The following NR2E3 variants were observed in gnomAD, a reference collection of about 807,000 sequenced individuals.
The protein encoded by NR2E3 is nuclear receptor subfamily 2 group E member 3.
Under a neutral mutation model 37.6 loss-of-function variants are expected in NR2E3, and 38 were observed. The observed-to-expected ratio is 1.01, with a 90% confidence interval of 0.78 to 1.33. The LOEUF (loss-of-function observed/expected upper bound fraction) is 1.33. NR2E3 is among the 40% of genes most tolerant of loss of function. The probability of loss-of-function intolerance (pLI) is 0.00; values close to 1 mark genes in which losing one functional copy is unlikely to be tolerated. For synonymous variants in NR2E3, 235 were observed against 225.1 expected, an observed-to-expected ratio of 1.04 and a Z score of -0.39; for missense variants, 562 against 558.7, an observed-to-expected ratio of 1.01 and a Z score of -0.06.
chr15:71,816,512 G>A (rs1291541872), intron 7 of NR2E3, among the ~76,000 whole-genome samples: 2 of 151,972 alleles, frequency 1.3e-5, no homozygotes, highest in Non-Finnish European at 2.9e-5. Flanking sequence ...CGCCCGCCTC[G>A]GCCTCCCAAA....
Position 71,817,089 on chromosome 15 carries a change from CTTTTCTT to C in NR2E3, c.1101-451_1101-445del, listed in dbSNP as rs1387313225. Reference sequence around the variant, plus strand: ...GAGGCAACTCCTCTGGTTAATGCGGCTTTTCTTTTTTCTTTTTTTTTTTTTTTGAGAC... The same window carrying C: ...GAGGCAACTCCTCTGGTTAATGCGGCTTTTCTTTTTTTTTTTTTTTGAGAC... On this transcript the variant is annotated intron_variant, in intron 7 of 7. Transcript: ENST00000617575. Among the ~76,000 whole-genome samples, 7 of 146,378 alleles carry C rather than the reference CTTTTCTT, an allele frequency of 4.8e-5. No individual in the cohort carries two copies. The East Asian group carries it at 8.4e-4, about 18-fold the overall frequency.
At chr15:71,815,293 C>A (rs1475537067) in intron 7 of NR2E3, among the ~76,000 whole-genome samples, 4 of 152,220 alleles carry the variant, frequency 2.6e-5, no homozygotes, top group Non-Finnish European at 4.4e-5. Context: ...GGCATCCTTG[C>A]ATCACCTCTA....
intron 7 of NR2E3, among the ~76,000 whole-genome samples, chr15:71,816,428 T>C (rs917536655): frequency 6.6e-6 from 1 of 151,810 alleles, no homozygotes; most frequent in Non-Finnish European, 1.5e-5. Flanking sequence ...GCCCGGCTAA[T>C]TTTTTGTATT....
At chr15:71,815,163 A>G (rs2054217378) in intron 7 of NR2E3, among the ~76,000 whole-genome samples, 2 of 152,164 alleles carry the variant, frequency 1.3e-5, no homozygotes, top group Non-Finnish European at 2.9e-5. Context: ...GGCAGATGTC[A>G]TGGAGCCTCA....
chr15:71,813,963 A>T lies in NR2E3; in HGVS notation c.995-49A>T. Reference sequence around the variant, plus strand: ...GGGCCACCACTTCATGGCCAGCCTTATAACAGCCGTAAACCTGTGCTAAGC... The same window carrying T: ...GGGCCACCACTTCATGGCCAGCCTTTTAACAGCCGTAAACCTGTGCTAAGC... On this transcript the variant is annotated intron_variant, in intron 6 of 7. Coordinates refer to ENST00000617575, the MANE Select transcript of NR2E3 (RefSeq NM_014249.4). The surrounding 1 kb of genome is among the most constrained non-coding windows in gnomAD (Gnocchi z 4.7). 6.3e-7 allele frequency: 1 copy of T among 1,578,604 alleles called. No individual in the cohort carries two copies. The highest frequency in any genetic ancestry group is 8.6e-7 in the Non-Finnish European group (1 of 1,163,832).
chr15:71,816,412 C>G (rs2054226495), intron 7 of NR2E3, among the ~76,000 whole-genome samples: 1 of 151,992 alleles, frequency 6.6e-6, no homozygotes, highest in African/African-American at 2.4e-5. Flanking sequence ...AGGCGCCCAC[C>G]ACCACGCCCG....
chr15:71,813,745 TG>T lies in NR2E3; in HGVS notation c.994+116del. The T allele has an allele frequency of 2.6e-6, 4 of 1,548,116 alleles. No individual in the cohort carries two copies. The highest frequency in any genetic ancestry group is 3.5e-6 in the Non-Finnish European group (4 of 1,136,340). ...TGCAGATGTGTGTAGGCCTCTATCCTGGGGGGTGGGAGGAGAGTGGTGAGGC... is the reference window on the plus strand; with the variant it reads ...TGCAGATGTGTGTAGGCCTCTATCCTGGGGGTGGGAGGAGAGTGGTGAGGC... On this transcript the variant is annotated intron_variant, in intron 6 of 7. Coordinates refer to ENST00000617575, the MANE Select transcript of NR2E3 (RefSeq NM_014249.4). This position sits in a 1 kb window ranked among gnomAD's most constrained non-coding sequence, Gnocchi z 4.7.
intron 7 of NR2E3, among the ~76,000 whole-genome samples, chr15:71,817,283 A>T (rs918563635): frequency 1.3e-5 from 2 of 152,042 alleles, no homozygotes; most frequent in Admixed American, 6.5e-5. Context: ...TATATTTAGT[A>T]GAGACGGGGT....
rs777517743 is a variant in NR2E3 at position 71,810,812 on chromosome 15, C to T, written c.69C>T (p.Ala23=). The change falls in exon 1 of 8, where the codon GCC becomes GCT. Residue 23 remains alanine (A), a synonymous_variant. Coordinates refer to ENST00000617575, the MANE Select transcript of NR2E3 (RefSeq NM_014249.4). ...CAGCTGCGCCTGCAGCTGGGGCTGCCTCCAGGAAGGAGTCTCCAGGCAGAT... is the reference window on the plus strand; with the variant it reads ...CAGCTGCGCCTGCAGCTGGGGCTGCTTCCAGGAAGGAGTCTCCAGGCAGAT... ...VAAAAPAAGA[A]SRKESPGRWG... is the part of the protein sequence containing the mutation. The T allele has an allele frequency of 2.5e-5, 40 of 1,573,514 alleles. No homozygotes were observed. The highest frequency in any genetic ancestry group is 3.3e-5 in the Non-Finnish European group (38 of 1,159,980).
rs2140287615 is a variant in NR2E3, at chr15:71,810,637, G to A, written c.-107G>A. The stretch of plus-strand genomic sequence containing the variant: ...CCTGAGTTCAGACAGAGTTCAGGAA[G>A]GGAGACAGGGGCACAGAGAGACAGA... On this transcript the variant is annotated 5_prime_UTR_variant, in exon 1 of 8. Transcript: ENST00000617575. The A allele has an allele frequency of 1.3e-6, 2 of 1,499,098 alleles. No individual in the cohort carries two copies. The highest frequency in any genetic ancestry group is 1.4e-5 in the African/African-American group (1 of 71,808). 92.9% of individuals were successfully genotyped at this position (1,499,098 alleles called of 1,614,324 possible).
chr15:71,817,442 A>T, intron 7 of NR2E3, 110 bp from the exon 8 acceptor site: 3 of 1,346,222 alleles, frequency 2.2e-6, no homozygotes, highest in Non-Finnish European at 3.0e-6. Context: ...CACTCTGGGG[A>T]CCTCATCTCT....
chr15:71,814,343 C>G (rs1595957683), intron 7 of NR2E3: 3 of 1,326,824 alleles, frequency 2.3e-6, no homozygotes, highest in Non-Finnish European at 2.9e-6. Flanking sequence ...CGGCAGTGAC[C>G]TCACTGAAGA....
At position 71,813,432 on chromosome 15, in the gene NR2E3, G is replaced by A. The variant is rs201106600; in HGVS notation, c.791G>A (p.Gly264Glu). ...GCGTGGAGTGAACTCTTTCTCCTCG[G>A]GGCCATCCAGTGGTCTCTGCCTCTG... The part of the protein sequence containing the change: ...EEAWSELFLL[G>E]AIQWSLPLDS... The change falls in exon 6 of 8, where the codon GGG (glycine) becomes GAG (glutamate). Residue 264 changes from glycine to glutamate, a missense_variant. Physicochemically the swap from Gly to Glu is moderately conservative, Grantham distance 98 (BLOSUM62 -2). Transcript: ENST00000617575. The surrounding 1 kb of genome is among the most constrained non-coding windows in gnomAD (Gnocchi z 4.7). The A allele has an allele frequency of 8.8e-5, 141 of 1,610,578 alleles. No individual in the cohort carries two copies. Among genetic ancestry groups the A allele is most frequent in the Non-Finnish European group, 1.1e-4 (127 of 1,178,536 alleles).
At chr15:71,816,526 C>T (rs1401814574) in intron 7 of NR2E3, among the ~76,000 whole-genome samples, 1 of 152,118 alleles carries the variant, frequency 6.6e-6, no homozygotes, top group Non-Finnish European at 1.5e-5. Context: ...TCCCAAAGTG[C>T]TGGGATTACA....
In NR2E3 at chr15:71,813,647, T is replaced by A. The variant is rs774016394; in HGVS notation, c.994+12T>A. On this transcript the variant is annotated intron_variant, in intron 6 of 7. Transcript: ENST00000617575. The surrounding 1 kb of genome is among the most constrained non-coding windows in gnomAD (Gnocchi z 4.7). ...CCTCTTCAAGCCAGGTAACTGAGTC[T>A]CTGCCCAAACCTTGAGTGGGAATTC... 5 of 1,613,180 alleles carry A rather than the reference T, an allele frequency of 3.1e-6. No individual in the cohort carries two copies. The Admixed American group carries it at 8.3e-5, about 27-fold the overall frequency.
chr15:71,813,983 C>G lies in NR2E3; in HGVS notation c.995-29C>G. 6.3e-7 allele frequency: 1 copy of G among 1,598,838 alleles called. No homozygotes were observed. The highest frequency in any genetic ancestry group is 1.1e-5 in the South Asian group (1 of 88,062). Reference sequence around the variant, plus strand: ...GCCTTATAACAGCCGTAAACCTGTGCTAAGCTCACTGGTGCTGCTTCTCCC... The same window carrying G: ...GCCTTATAACAGCCGTAAACCTGTGGTAAGCTCACTGGTGCTGCTTCTCCC... On this transcript the variant is annotated intron_variant, in intron 6 of 7. Transcript: ENST00000617575. This position sits in a 1 kb window ranked among gnomAD's most constrained non-coding sequence, Gnocchi z 4.7.
Position 71,810,735 on chromosome 15 carries a change from C to T in NR2E3, c.-9C>T, listed in dbSNP as rs776771148. On this transcript the variant is annotated 5_prime_UTR_variant, in exon 1 of 8. Transcript: ENST00000617575. ...CTCCCGCAGGCAGGCAGAGGCTGCC[C>T]TGTAACCCATGGAGACCAGACCAAC... The T allele has an allele frequency of 1.3e-6, 2 of 1,561,702 alleles. No homozygotes were observed. Among genetic ancestry groups the T allele is most frequent in the South Asian group, 2.4e-5 (2 of 84,540 alleles).
chr15:71,813,291 A>G lies in NR2E3; in HGVS notation c.748-98A>G. 6.7e-7 allele frequency: 1 copy of G among 1,501,260 alleles called. No homozygotes were observed. The allele number at this position is 1,501,260 out of a possible 1,614,324, so 93.0% of individuals were successfully genotyped here. ...GAGCATTCTCGGGTCCCAGGACAGC[A>G]CTTCCATTCCTTGGGTGCCTGAGAT... On this transcript the variant is annotated intron_variant, in intron 5 of 7. Coordinates refer to ENST00000617575, the MANE Select transcript of NR2E3 (RefSeq NM_014249.4). The surrounding 1 kb of genome is among the most constrained non-coding windows in gnomAD (Gnocchi z 4.7).
At position 71,813,355 on chromosome 15, in the gene NR2E3, G is replaced by C. The variant is rs753351983; in HGVS notation, c.748-34G>C. Reference sequence around the variant, plus strand: ...CCAGACTGAGCCAGAGAAGCTGTGTGTCTGCCATAACAGGCACCCCTGTCT... The same window carrying C: ...CCAGACTGAGCCAGAGAAGCTGTGTCTCTGCCATAACAGGCACCCCTGTCT... On this transcript the variant is annotated intron_variant, in intron 5 of 7. Transcript: ENST00000617575. This position sits in a 1 kb window ranked among gnomAD's most constrained non-coding sequence, Gnocchi z 4.7. The C allele has an allele frequency of 1.2e-6, 2 of 1,602,514 alleles. No individual in the cohort carries two copies. The highest frequency in any genetic ancestry group is 1.7e-6 in the Non-Finnish European group (2 of 1,175,268).
Sources: gnomAD v4.1 joint callset for allele counts (sites outside exome capture counted in the v4.1 genomes callset) on GRCh38, gnomAD v4.1.1 for gene constraint, Gnocchi (gnomAD v3.1) non-coding constraint, MANE v1.5 for transcripts, NCBI Gene and HGNC (gene_info 2026-07-23, HGNC 2026-07-21) for gene names.